The following NLGN1 variants were observed in gnomAD, a reference collection of about 807,000 sequenced individuals.
NLGN1 encodes neuroligin-1.
A neutral mutation model predicts 65.5 loss-of-function variants in NLGN1; 12 were observed. The ratio of observed to expected loss-of-function variants is 0.18; its 90% CI spans 0.12 to 0.30. NLGN1 has a LOEUF of 0.30. Ranked by LOEUF, NLGN1 falls within the 10% of genes least tolerant of loss-of-function variation. The pLI, the probability that NLGN1 is intolerant of heterozygous loss-of-function variation, is 1.00. For synonymous variants in NLGN1, 350 were observed against 359.5 expected (o/e 0.97, Z 0.30); for missense variants, 750 against 1,007.1 (o/e 0.74, Z 3.46).
chr3:173,874,203 G>C (rs956050975), intron 4 of NLGN1, among the ~76,000 whole-genome samples: 2 of 152,060 alleles, frequency 1.3e-5, no homozygotes, highest in African/African-American at 4.8e-5. Context: ...TTTCATATTG[G>C]GCAGTCAAGA....
At chr3:173,749,681 T>A (rs180856145) in intron 3 of NLGN1, among the ~76,000 whole-genome samples, 4 of 151,834 alleles carry the variant, frequency 2.6e-5, no homozygotes, top group East Asian at 1.9e-4. Flanking sequence ...AAAAAAAAAA[T>A]AATATTAACA....
At chr3:174,126,088 C>G (rs1406192916) in intron 4 of NLGN1, among the ~76,000 whole-genome samples, 2 of 151,996 alleles carry the variant, frequency 1.3e-5, no homozygotes, top group African/African-American at 2.4e-5. Flanking sequence ...CTGTGTTCAC[C>G]CGGGCATGAT....
At chr3:173,901,878 CACA>C (rs1737448101) in intron 4 of NLGN1, among the ~76,000 whole-genome samples, 1 of 152,098 alleles carries the variant, frequency 6.6e-6, no homozygotes, top group South Asian at 2.1e-4. Context: ...CCATTTGTCT[CACA>C]ACATTACACT....
chr3:173,449,235 T>C (rs1003785189), intron 2 of NLGN1, among the ~76,000 whole-genome samples: 2 of 152,182 alleles, frequency 1.3e-5, no homozygotes, highest in African/African-American at 4.8e-5. Context: ...CTGCTTTGAA[T>C]GCGTCCCAGA....
chr3:174,267,926 C>T (rs951684035), intron 4 of NLGN1, among the ~76,000 whole-genome samples: 4 of 151,472 alleles, frequency 2.6e-5, no homozygotes, highest in Non-Finnish European at 4.4e-5. Context: ...TAGTACATTA[C>T]AAAGCACACA....
intron 4 of NLGN1, among the ~76,000 whole-genome samples, chr3:174,220,094 A>AAT (rs72585431): frequency 2.9e-5 from 2 of 69,112 alleles, no homozygotes; most frequent in African/African-American, 9.6e-5. Flanking sequence ...GACAACACTA[A>AAT]CGAAAACAGA....
exon 7 of NLGN1, chr3:174,285,516 G>T (rs1397025925): frequency 1.3e-5 from 2 of 151,510 alleles, no homozygotes; most frequent in Non-Finnish European, 3.0e-5. Flanking sequence ...AATTTCTCCA[G>T]TAGCCTTATA....
intron 4 of NLGN1, among the ~76,000 whole-genome samples, chr3:174,257,722 T>G (rs1455449325): frequency 6.7e-6 from 1 of 148,456 alleles, no homozygotes; most frequent in Non-Finnish European, 1.5e-5. Flanking sequence ...ACTAGTGGAA[T>G]ATATATATAT....
At chr3:173,775,938 G>A (rs566639463) in intron 3 of NLGN1, among the ~76,000 whole-genome samples, 1 of 152,164 alleles carries the variant, frequency 6.6e-6, no homozygotes, top group East Asian at 1.9e-4. Flanking sequence ...GTCCAGATAT[G>A]AAAACATAGA....
chr3:174,069,647 C>T (rs1739393353), intron 4 of NLGN1, among the ~76,000 whole-genome samples: 1 of 152,154 alleles, frequency 6.6e-6, no homozygotes, highest in Admixed American at 6.6e-5. Flanking sequence ...TGAAACTGCC[C>T]ACAGAGGGTA....
intron 4 of NLGN1, among the ~76,000 whole-genome samples, chr3:174,068,796 C>T (rs1739214079): frequency 6.6e-6 from 1 of 151,954 alleles, no homozygotes; most frequent in African/African-American, 2.4e-5. Context: ...TGAGATTTAT[C>T]TAAGATAATA....
chr3:174,082,122 A>G (rs1300123940), intron 4 of NLGN1, among the ~76,000 whole-genome samples: 1 of 152,232 alleles, frequency 6.6e-6, no homozygotes, highest in Non-Finnish European at 1.5e-5. Flanking sequence ...TTCATTATTC[A>G]AAGTGGGCTT....
At chr3:173,539,863 T>C (rs1307960111) in intron 2 of NLGN1, among the ~76,000 whole-genome samples, 1 of 123,666 alleles carries the variant, frequency 8.1e-6, no homozygotes, top group Non-Finnish European at 1.8e-5. Flanking sequence ...GTTATGTATG[T>C]GTTATATATA....
At position 173,644,068 on chromosome 3, in the gene NLGN1, GAC is replaced by G. The variant is rs988834912; in HGVS notation, c.493+38980_493+38981del. ...GACCAGCCAACAAAGGTTAACCTGG[GAC>G]ACTCTTGGACAGTGATTCTGATGTT... On this transcript the variant is annotated intron_variant, in intron 3 of 6. Transcript: ENST00000457714. Among the ~76,000 whole-genome samples, 4 of 152,288 alleles carry G rather than the reference GAC, an allele frequency of 2.6e-5. No individual in the cohort carries two copies. In the South Asian group the frequency reaches 6.2e-4, roughly 24 times the overall value.
chr3:173,746,890 T>C (rs994911352), intron 3 of NLGN1, among the ~76,000 whole-genome samples: 1 of 151,554 alleles, frequency 6.6e-6, no homozygotes, highest in Non-Finnish European at 1.5e-5. Context: ...TAAAAGTATA[T>C]ATACATAAAA....
At chr3:173,479,374 A>G (rs536721983) in intron 2 of NLGN1, among the ~76,000 whole-genome samples, 1 of 152,322 alleles carries the variant, frequency 6.6e-6, no homozygotes, top group South Asian at 2.1e-4. Flanking sequence ...ATAAACAAAC[A>G]TGGGAATGTG....
intron 3 of NLGN1, among the ~76,000 whole-genome samples, chr3:173,723,387 C>A (rs1332841095): frequency 6.6e-6 from 1 of 152,132 alleles, no homozygotes; most frequent in Non-Finnish European, 1.5e-5. Flanking sequence ...TTGTATTTAT[C>A]TAAAAAGTTT....
intron 3 of NLGN1, among the ~76,000 whole-genome samples, chr3:173,737,589 A>T (rs1402598910): frequency 6.6e-6 from 1 of 152,130 alleles, no homozygotes; most frequent in East Asian, 1.9e-4. Flanking sequence ...GTATCAGTAC[A>T]TAATTCCTTT....
At chr3:174,220,384 GC>G (rs1476029049) in intron 4 of NLGN1, among the ~76,000 whole-genome samples, 2 of 152,016 alleles carry the variant, frequency 1.3e-5, no homozygotes, top group Non-Finnish European at 2.9e-5. Context: ...TCTGGTATAG[GC>G]CTAGAGATAT....
Sources: gnomAD v4.1 joint callset for allele counts (sites outside exome capture counted in the v4.1 genomes callset) on GRCh38, gnomAD v4.1.1 for gene constraint, MANE v1.5 for transcripts, NCBI Gene and HGNC (gene_info 2026-07-23, HGNC 2026-07-21) for gene names.